BBS4: variants seen among roughly 807,000 people sequenced by gnomAD.
BBS4 encodes the protein BBSome complex member BBS4.
A neutral mutation model predicts 71.4 loss-of-function variants in BBS4; 58 were observed. The observed-to-expected ratio is 0.81, with a 90% CI of 0.66 to 1.01. The LOEUF (loss-of-function observed/expected upper bound fraction) is 1.01, where lower values mean the gene tolerates loss of function less well. Ranked by LOEUF, BBS4 falls within the 50% of genes least tolerant of loss-of-function variation. The pLI, the probability that BBS4 is intolerant of heterozygous loss-of-function variation, is 0.00. For synonymous variants in BBS4, 228 were observed against 216.8 expected, an observed-to-expected ratio of 1.05 and a Z score of -0.46; for missense variants, 660 against 607.9, an observed-to-expected ratio of 1.09 and a Z score of -0.90.
At chr15:72,716,245 A>G (rs1485135600) in intron 5 of BBS4, among the ~76,000 whole-genome samples, 1 of 152,198 alleles carries the variant, frequency 6.6e-6, no homozygotes, top group African/African-American at 2.4e-5. Flanking sequence ...TTTATAAACT[A>G]CTAGGTACTC....
chr15:72,723,605 AT>A (rs2065614549), intron 7 of BBS4, among the ~76,000 whole-genome samples: 1 of 152,220 alleles, frequency 6.6e-6, no homozygotes. Flanking sequence ...GTTTGTGTCA[AT>A]TTGCAGACTG....
intron 1 of BBS4, among the ~76,000 whole-genome samples, chr15:72,687,195 T>C (rs1051428307): frequency 8.8e-5 from 12 of 136,466 alleles, no homozygotes; most frequent in Non-Finnish European, 1.2e-4. Flanking sequence ...CTCGGCTCAC[T>C]GCAACCTCCG....
At chr15:72,733,645 A>T (rs1440581532) in intron 12 of BBS4, among the ~76,000 whole-genome samples, 1 of 152,134 alleles carries the variant, frequency 6.6e-6, no homozygotes, top group Non-Finnish European at 1.5e-5. Context: ...CATGGTGTAC[A>T]TTTACATTTT....
intron 2 of BBS4, among the ~76,000 whole-genome samples, chr15:72,702,443 T>A (rs1244070186): frequency 6.6e-6 from 1 of 152,148 alleles, no homozygotes; most frequent in Non-Finnish European, 1.5e-5. Flanking sequence ...AACTTTGAGA[T>A]ACATGCACAC....
At position 72,690,059 on chromosome 15, in the gene BBS4, C is replaced by G. The variant is rs1323768710; in HGVS notation, c.24+3808C>G. 2.0e-5 allele frequency among the ~76,000 whole-genome samples: 3 copies of G among 152,130 alleles called. No homozygotes were observed. The South Asian group carries it at 6.2e-4, about 31-fold the overall frequency. On this transcript the variant is annotated intron_variant, in intron 1 of 15. Coordinates refer to ENST00000268057, the MANE Select transcript of BBS4 (RefSeq NM_033028.5). The stretch of plus-strand genomic sequence containing the variant: ...TCTCCTGACCTTGTGATCCGCCCGA[C>G]TCAGCCTCCCAAAGTGCTGGGATTA...
intron 12 of BBS4, among the ~76,000 whole-genome samples, chr15:72,731,988 T>C (rs1336535841): frequency 2.0e-5 from 3 of 152,186 alleles, no homozygotes; most frequent in Admixed American, 6.5e-5. Context: ...AGTTTTTTCC[T>C]CTTGCCTTGA....
intron 14 of BBS4, among the ~76,000 whole-genome samples, chr15:72,736,238 CTTTTTTT>C (rs35502034): frequency 2.6e-4 from 29 of 113,460 alleles, no homozygotes; most frequent in South Asian, 1.5e-3. Flanking sequence ...TTCTATTTCA[CTTTTTTT>C]TTTTTTTTTT....
chr15:72,720,275 C>A (rs982369164), intron 6 of BBS4, among the ~76,000 whole-genome samples: 1 of 151,482 alleles, frequency 6.6e-6, no homozygotes, highest in Non-Finnish European at 1.5e-5. Flanking sequence ...CACTTGAGCC[C>A]AGGAGTCTGA....
At chr15:72,737,187 A>G (rs2065943050) in intron 15 of BBS4, 5 of 630,260 alleles carry the variant, frequency 7.9e-6, no homozygotes, top group South Asian at 1.9e-5. Context: ...TGGATGGTCT[A>G]TACACTGGTC....
intron 6 of BBS4, among the ~76,000 whole-genome samples, chr15:72,720,711 G>A (rs2065556155): frequency 6.6e-6 from 1 of 151,922 alleles, no homozygotes; most frequent in African/African-American, 2.4e-5. Flanking sequence ...TGCTGAGCCA[G>A]AACTGGAATT....
chr15:72,730,154 G>A (rs2065783978), intron 10 of BBS4, among the ~76,000 whole-genome samples: 1 of 151,990 alleles, frequency 6.6e-6, no homozygotes, highest in Admixed American at 6.6e-5. Context: ...GCGGGCGCCT[G>A]TAGTCCCAGC....
At chr15:72,696,459 A>T (rs138645477) in intron 2 of BBS4, among the ~76,000 whole-genome samples, 54 of 152,334 alleles carry the variant, frequency 3.5e-4, no homozygotes, top group African/African-American at 1.3e-3. Context: ...TAATCAAGTT[A>T]TAAAAGTTTA....
intron 4 of BBS4, among the ~76,000 whole-genome samples, chr15:72,713,935 C>A (rs929267034): frequency 2.6e-5 from 4 of 152,158 alleles, no homozygotes; most frequent in African/African-American, 9.7e-5. Context: ...GATTTGACTT[C>A]AGAAATGACT....
At chr15:72,709,625 T>C (rs1371208658) in intron 2 of BBS4, 75 bp from the exon 3 acceptor site, 1 of 1,060,662 alleles carries the variant, frequency 9.4e-7, no homozygotes, top group Non-Finnish European at 1.5e-6. Flanking sequence ...TTATGGTTAG[T>C]TTAGACATGA....
rs2065815184 is a variant in BBS4, at chr15:72,731,297, G to A, written c.712-8G>A. ...GACTGAATGACTTTCTCTGTGCCAT[G>A]TTTTCAGGCCATCTTGGCAGCAGGC... On this transcript the variant is annotated splice_region_variant and splice_polypyrimidine_tract_variant and intron_variant, in intron 10 of 15. Coordinates refer to ENST00000268057, the MANE Select transcript of BBS4 (RefSeq NM_033028.5). 1.2e-6 allele frequency: 2 copies of A among 1,613,904 alleles called. No individual in the cohort carries two copies. The highest frequency in any genetic ancestry group is 8.5e-7 in the Non-Finnish European group (1 of 1,180,012).
intron 6 of BBS4, among the ~76,000 whole-genome samples, chr15:72,722,006 G>A (rs945041204): frequency 1.3e-5 from 2 of 152,148 alleles, no homozygotes; most frequent in Non-Finnish European, 2.9e-5. Flanking sequence ...TCAAAGGTTG[G>A]CAAACTTTTT....
At chr15:72,721,177 A>T (rs940998108) in intron 6 of BBS4, among the ~76,000 whole-genome samples, 4 of 152,234 alleles carry the variant, frequency 2.6e-5, no homozygotes, top group African/African-American at 4.8e-5. Flanking sequence ...AAAAATTTTT[A>T]AATGTGCGGC....
intron 1 of BBS4, among the ~76,000 whole-genome samples, chr15:72,687,668 C>T (rs1021471340): frequency 6.6e-6 from 1 of 152,014 alleles, no homozygotes; most frequent in African/African-American, 2.4e-5. Flanking sequence ...TGGCTCACGC[C>T]TGTAATCCTA....
intron 4 of BBS4, among the ~76,000 whole-genome samples, chr15:72,714,329 G>A (rs1396489615): frequency 1.3e-5 from 2 of 148,866 alleles, no homozygotes; most frequent in Non-Finnish European, 3.0e-5. Flanking sequence ...AGGTTCAAGC[G>A]ATCCTCCTGC....
Sources: gnomAD v4.1 joint callset for allele counts (sites outside exome capture counted in the v4.1 genomes callset) on GRCh38, gnomAD v4.1.1 for gene constraint, MANE v1.5 for transcripts, NCBI Gene and HGNC (gene_info 2026-07-23, HGNC 2026-07-21) for gene names.